PANK2: variants seen among roughly 807,000 people sequenced by gnomAD.
PANK2 encodes the protein pantothenate kinase 2.
Under a neutral mutation model 43.1 loss-of-function variants are expected in PANK2, and 36 were observed. The observed-to-expected ratio is 0.84, with a 90% CI of 0.64 to 1.10. The LOEUF (loss-of-function observed/expected upper bound fraction) is 1.10, where lower values mean the gene tolerates loss of function less well. Ranked by LOEUF, PANK2 falls within the 50% of genes least tolerant of loss-of-function variation. The pLI, the probability that PANK2 is intolerant of heterozygous loss-of-function variation, is 0.00. For missense variants in PANK2, 576 were observed against 593.3 expected, an observed-to-expected ratio of 0.97 and a Z score of 0.30; for synonymous variants, 281 against 238.2, an observed-to-expected ratio of 1.18 and a Z score of -1.66.
intron 2 of PANK2, among the ~76,000 whole-genome samples, chr20:3,909,651 GCCATC>G (rs1425141535): frequency 2.0e-5 from 3 of 152,080 alleles, no homozygotes; most frequent in African/African-American, 4.8e-5. Context: ...GTGCAGTGGT[GCCATC>G]TCAGCTCACT....
At chr20:3,910,522 T>G (rs1167845046) in intron 2 of PANK2, 55 bp from the exon 3 acceptor site, 1 of 1,604,080 alleles carries the variant, frequency 6.2e-7, no homozygotes, top group Non-Finnish European at 8.5e-7. Context: ...TTGAATGGAA[T>G]TTTTGTTTCT....
rs1176969943 is a variant in PANK2 at position 3,927,587 on chromosome 20, G to A, written c.*4293G>A. 6.6e-6 allele frequency: 1 copy of A among 152,086 alleles called. No homozygotes were observed. The highest frequency in any genetic ancestry group is 1.5e-5 in the Non-Finnish European group (1 of 68,014). 9.4% of individuals were successfully genotyped at this position (152,086 alleles called of 1,614,324 possible). On this transcript the variant is annotated 3_prime_UTR_variant, in exon 7 of 7. Coordinates refer to ENST00000610179, the MANE Select transcript of PANK2 (RefSeq NM_001386393.1). Reference sequence around the variant, plus strand: ...AAACCCGAGGGCCAAACTACAAGACGAAAAAGTGCCCCGTTCCTGGCAATG... The same window carrying A: ...AAACCCGAGGGCCAAACTACAAGACAAAAAAGTGCCCCGTTCCTGGCAATG...
intron 4 of PANK2, among the ~76,000 whole-genome samples, chr20:3,916,429 G>A (rs1191012351): frequency 1.3e-5 from 2 of 152,184 alleles, no homozygotes; most frequent in South Asian, 4.1e-4. Flanking sequence ...GTTCTGCTGA[G>A]CATGTACTTT....
At chr20:3,888,964 C>CA, upstream of PANK2, 3 of 610,802 alleles carry the variant, frequency 4.9e-6, no homozygotes, top group Admixed American at 6.7e-5. Flanking sequence ...GCTGCGGGAG[C>CA]ACTGCTGGGC....
intron 5 of PANK2, among the ~76,000 whole-genome samples, chr20:3,918,372 GTTTAT>G (rs927226815): frequency 2.0e-5 from 3 of 148,890 alleles, no homozygotes; most frequent in Admixed American, 1.3e-4. Context: ...GTTTTTTTTT[GTTTAT>G]TTTAACTTAT....
At chr20:3,895,239 A>G (rs1244468120) in intron 1 of PANK2, among the ~76,000 whole-genome samples, 2 of 152,106 alleles carry the variant, frequency 1.3e-5, no homozygotes, top group African/African-American at 2.4e-5. Context: ...GCGCCACTGC[A>G]CTCCAGCCTG....
intron 3 of PANK2, 82 bp downstream of exon 3, chr20:3,910,912 C>T (rs2090459226): frequency 2.6e-6 from 4 of 1,513,282 alleles, no homozygotes; most frequent in Admixed American, 1.7e-5. Flanking sequence ...ACTACACCTT[C>T]AAGAACCTGT....
chr20:3,906,679 G>A (rs762501681), intron 1 of PANK2, among the ~76,000 whole-genome samples: 1 of 152,082 alleles, frequency 6.6e-6, no homozygotes, highest in Non-Finnish European at 1.5e-5. Context: ...ATAAATACTT[G>A]AAGTAGAGTT....
intron 1 of PANK2, among the ~76,000 whole-genome samples, chr20:3,890,110 TC>T (rs1325622345): frequency 6.6e-6 from 1 of 152,234 alleles, no homozygotes; most frequent in Non-Finnish European, 1.5e-5. Context: ...ATGTTTGTTT[TC>T]CGTGGGTTTC....
chr20:3,894,408 T>G (rs2146821043), intron 1 of PANK2, among the ~76,000 whole-genome samples: 1 of 150,692 alleles, frequency 6.6e-6, no homozygotes, highest in South Asian at 2.1e-4. Context: ...GCCTGGCTAA[T>G]TTTGTATTTT....
rs979503225 is a variant in PANK2, at chr20:3,927,632, C to T, written c.*4338C>T. The T allele has an allele frequency of 2.6e-5, 4 of 152,154 alleles. No homozygotes were observed. Among genetic ancestry groups the T allele is most frequent in the African/African-American group, 2.4e-5 (1 of 41,424 alleles). The allele number at this position is 152,154 out of a possible 1,614,324, so 9.4% of individuals were successfully genotyped here. On this transcript the variant is annotated 3_prime_UTR_variant, in exon 7 of 7. Transcript: ENST00000610179. ...GCAATGATGTCAGAAGACCAAGAGGCGATAGTTACCAGCAACACTCTAGGA... is the reference window on the plus strand; with the variant it reads ...GCAATGATGTCAGAAGACCAAGAGGTGATAGTTACCAGCAACACTCTAGGA...
intron 1 of PANK2, among the ~76,000 whole-genome samples, chr20:3,901,102 A>C (rs907961518): frequency 6.6e-6 from 1 of 151,738 alleles, no homozygotes; most frequent in African/African-American, 2.4e-5. Context: ...CTCTGCTGCC[A>C]GGCTGGAGTA....
At chr20:3,890,088 T>G (rs1280847048) in intron 1 of PANK2, among the ~76,000 whole-genome samples, 1 of 152,192 alleles carries the variant, frequency 6.6e-6, no homozygotes, top group Non-Finnish European at 1.5e-5. Flanking sequence ...TCCCAAATCC[T>G]TTGAATCCCC....
chr20:3,901,077 A>G (rs533961802), intron 1 of PANK2, among the ~76,000 whole-genome samples: 1 of 151,214 alleles, frequency 6.6e-6, no homozygotes, highest in East Asian at 1.9e-4. Flanking sequence ...TATTTATTTA[A>G]GAGGTAGGAT....
rs118124238 is a variant in PANK2, at chr20:3,912,668, C to T, written c.1082+34C>T. 3.2e-4 allele frequency: 519 copies of T among 1,609,762 alleles called. 1 individual carries two copies. The highest frequency in any genetic ancestry group is 1.9e-3 in the East Asian group (87 of 44,748). On this transcript the variant is annotated intron_variant, in intron 4 of 6. Coordinates refer to ENST00000610179, the MANE Select transcript of PANK2 (RefSeq NM_001386393.1). The stretch of plus-strand genomic sequence containing the variant: ...GCATGTGTGTTCTAAGAAATACAGG[C>T]GGGCCGGGCGCGGTGGCTCATGCCT...
rs1288023609 is a variant in PANK2, at chr20:3,929,486, G to A, written c.*6192G>A. 1 of 152,282 alleles carries A rather than the reference G, an allele frequency of 6.6e-6. No individual in the cohort carries two copies. Among genetic ancestry groups the A allele is most frequent in the Non-Finnish European group, 1.5e-5 (1 of 68,068 alleles). The allele number at this position is 152,282 out of a possible 1,614,324, so 9.4% of individuals were successfully genotyped here. On this transcript the variant is annotated 3_prime_UTR_variant, in exon 7 of 7. Transcript: ENST00000610179. ...TCCACATGAGACTCACTGTGCACTTGCTCAGTAGCTAAGATGTCTGCCCCA... is the reference window on the plus strand; with the variant it reads ...TCCACATGAGACTCACTGTGCACTTACTCAGTAGCTAAGATGTCTGCCCCA...
rs369291528 is a variant in PANK2 at position 3,912,680 on chromosome 20, G to A, written c.1082+46G>A. ...TAAGAAATACAGGCGGGCCGGGCGC[G>A]GTGGCTCATGCCTTTAATCCCAAAA... On this transcript the variant is annotated intron_variant, in intron 4 of 6. Transcript: ENST00000610179. 27 of 1,605,478 alleles carry A rather than the reference G, an allele frequency of 1.7e-5. No individual in the cohort carries two copies. The African/African-American group carries it at 2.4e-4, about 14-fold the overall frequency.
chr20:3,922,551 G>C (rs2090662618), intron 6 of PANK2, among the ~76,000 whole-genome samples: 1 of 152,150 alleles, frequency 6.6e-6, no homozygotes, highest in African/African-American at 2.4e-5. Context: ...TGTGCCGCCT[G>C]CTTCTGGGCC....
At chr20:3,902,972 G>GACAC (rs11468265) in intron 1 of PANK2, among the ~76,000 whole-genome samples, 1,430 of 141,400 alleles carry the variant, frequency 0.01, 16 homozygotes, top group African/African-American at 0.022. Flanking sequence ...GATGTGTATA[G>GACAC]ACACACACAC....
Sources: allele counts gnomAD v4.1 joint callset (sites outside exome capture counted in the v4.1 genomes callset), GRCh38; gene constraint gnomAD v4.1.1; transcripts MANE v1.5; gene names NCBI Gene and HGNC (gene_info 2026-07-23, HGNC 2026-07-21).